The following ATP11C variants were observed in gnomAD, a reference collection of about 807,000 sequenced individuals.
The protein encoded by ATP11C is phospholipid-transporting ATPase IG.
A neutral mutation model predicts 97.4 loss-of-function variants in ATP11C; 36 were observed. The ratio of observed to expected loss-of-function variants is 0.37; its 90% CI spans 0.28 to 0.49. The LOEUF is 0.49. Among genes scored for constraint, ATP11C ranks in the 20% least tolerant of loss-of-function variants. The probability of loss-of-function intolerance (pLI) is 0.98; values close to 1 mark genes in which losing one functional copy is unlikely to be tolerated. For synonymous variants in ATP11C, 275 were observed against 290.9 expected (o/e 0.95, Z 0.56); for missense variants, 730 against 824.6 (o/e 0.89, Z 1.40).
intron 1 of ATP11C, among the ~76,000 whole-genome samples, chrX:139,919,444 A>C (rs867096276): frequency 6.8e-5 from 5 of 73,946 alleles, no homozygotes; most frequent in South Asian, 8.7e-4. Flanking sequence ...CTCAAACTTA[A>C]ACACACACAC....
At position 139,787,189 on chromosome X, in the gene ATP11C, T is replaced by G. The variant is rs2148727658; in HGVS notation, c.1576A>C (p.Arg526=). ...GCTACTTACTCTTCTATTTCTTTTC[T>G]TTGGTTCTCTACTCTCATATATCCA... ...RNGYMRVENQ[R]KEIEEYELLH... Residue 526 remains arginine (R), a synonymous_variant, in exon 15 of 30, where the codon AGA becomes CGA. Coordinates refer to ENST00000682941, the MANE Select transcript of ATP11C (RefSeq NM_001353812.2). 2 of 1,197,432 alleles carry G rather than the reference T, an allele frequency of 1.7e-6. No individual in the cohort carries two copies. Among genetic ancestry groups the G allele is most frequent in the South Asian group, 3.5e-5 (2 of 56,479 alleles).
In ATP11C at chrX:139,922,178, C is replaced by T. The variant is rs181432133; in HGVS notation, c.27+9838G>A. Among the ~76,000 whole-genome samples the T allele has an allele frequency of 9.1e-3, 883 of 96,585 alleles. 12 individuals are homozygous for T. The highest frequency in any genetic ancestry group is 0.017 in the Middle Eastern group (3 of 174). 83.9% of individuals were successfully genotyped at this position (96,585 alleles called of 115,157 possible). On this transcript the variant is annotated intron_variant, in intron 1 of 29. Transcript: ENST00000682941. ...CGAGATTGTGCCACTGCACTCCAGC[C>T]TGGGCAACAGAGCAAGACTGTCTCT...
At chrX:139,919,444 AACACACACAC>A (rs370999462) in intron 1 of ATP11C, among the ~76,000 whole-genome samples, 1,099 of 73,933 alleles carry the variant, frequency 0.015, 21 homozygotes, top group African/African-American at 0.048. Context: ...CTCAAACTTA[AACACACACAC>A]ACACACACAC....
At chrX:139,862,565 T>G (rs1274899008) in intron 1 of ATP11C, among the ~76,000 whole-genome samples, 3 of 112,129 alleles carry the variant, frequency 2.7e-5, no homozygotes, top group African/African-American at 9.7e-5. Context: ...CTGTGTTGAT[T>G]GTTGTTGTGT....
intron 1 of ATP11C, among the ~76,000 whole-genome samples, chrX:139,828,679 G>A (rs1323229450): frequency 1.8e-5 from 2 of 112,046 alleles, no homozygotes; most frequent in African/African-American, 6.5e-5. Context: ...AGTAAATGAG[G>A]CAGGGTTACC....
At chrX:139,886,446 G>C (rs1263998107) in intron 1 of ATP11C, among the ~76,000 whole-genome samples, 1 of 109,847 alleles carries the variant, frequency 9.1e-6, no homozygotes, top group Non-Finnish European at 1.9e-5. Context: ...AAAATTCGCT[G>C]GGCGTGGTGG....
intron 24 of ATP11C, 152 bp from the exon 25 acceptor site, chrX:139,746,009 G>A: frequency 1.9e-6 from 1 of 516,704 alleles, no homozygotes; most frequent in South Asian, 5.5e-5. Flanking sequence ...GTCAGACTGA[G>A]CCAAAGGCTG....
intron 5 of ATP11C, among the ~76,000 whole-genome samples, chrX:139,810,471 T>C (rs1326041550): frequency 1.8e-5 from 2 of 111,304 alleles, no homozygotes; most frequent in Non-Finnish European, 3.8e-5. Flanking sequence ...AAAATAATAA[T>C]AACCAGAAAA....
Position 139,819,434 on chromosome X carries a change from G to C in ATP11C, c.148-7C>G. On this transcript the variant is annotated splice_region_variant and splice_polypyrimidine_tract_variant and intron_variant, in intron 2 of 29. Transcript: ENST00000682941. ...GAAAATTCCAAAGTGTATACTGTAA[G>C]GGAGGAAGAAAAAAGAACACTGTTA... The C allele has an allele frequency of 3.1e-6, 3 of 979,812 alleles. No homozygotes were observed. Among genetic ancestry groups the C allele is most frequent in the Non-Finnish European group, 4.1e-6 (3 of 723,858 alleles). 80.7% of individuals were successfully genotyped at this position (979,812 alleles called of 1,213,427 possible).
rs774133039 is a variant in ATP11C, at chrX:139,917,955, C to CAAA, written c.27+14058_27+14060dup. Among the ~76,000 whole-genome samples the CAAA allele has an allele frequency of 5.7e-4, 22 of 38,414 alleles. 1 individual carries two copies. The highest frequency in any genetic ancestry group is 2.5e-3 in the South Asian group (1 of 395). The allele number at this position is 38,414 out of a possible 115,157, so 33.4% of individuals were successfully genotyped here. A position where few individuals can be genotyped will look rare whatever the true frequency, so the allele number is the denominator to read the frequency against. On this transcript the variant is annotated intron_variant, in intron 1 of 29. Coordinates refer to ENST00000682941, the MANE Select transcript of ATP11C (RefSeq NM_001353812.2). ...TGGGCAGCAGAGCCAGGCTTTGTCT[C>CAAA]AAAAAAAAAAAAAAAAAAAAAAAAA...
intron 16 of ATP11C, among the ~76,000 whole-genome samples, chrX:139,783,911 A>G (rs1186829173): frequency 1.8e-5 from 2 of 111,480 alleles, no homozygotes; most frequent in Non-Finnish European, 1.9e-5. Flanking sequence ...GAGCACACAT[A>G]TGGCATCTAC....
At chrX:139,824,433 G>A (rs867926500) in intron 2 of ATP11C, among the ~76,000 whole-genome samples, 1 of 111,716 alleles carries the variant, frequency 9.0e-6, no homozygotes, top group Non-Finnish European at 1.9e-5. Context: ...CGGGTGCAGT[G>A]GTTCACGCCT....
intron 1 of ATP11C, among the ~76,000 whole-genome samples, chrX:139,852,326 TG>T (rs778484137): frequency 3.5e-4 from 37 of 105,951 alleles, no homozygotes; most frequent in Non-Finnish European, 6.8e-4. Context: ...GGGGCCCATC[TG>T]GGATTACATT....
At chrX:139,798,143 T>C (rs1409024772) in intron 10 of ATP11C, 130 bp downstream of exon 10, 1 of 555,720 alleles carries the variant, frequency 1.8e-6, no homozygotes, top group Admixed American at 3.8e-5. Flanking sequence ...TTCTGGTACA[T>C]AAACAAGTGC....
At chrX:139,813,181 T>C (rs971742961) in intron 5 of ATP11C, among the ~76,000 whole-genome samples, 1 of 111,805 alleles carries the variant, frequency 8.9e-6, no homozygotes, top group Non-Finnish European at 1.9e-5. Context: ...AGAAAGTCCA[T>C]ATCATATGTT....
At chrX:139,901,726 C>T (rs1195204575) in intron 1 of ATP11C, among the ~76,000 whole-genome samples, 2 of 111,718 alleles carry the variant, frequency 1.8e-5, no homozygotes, top group African/African-American at 3.3e-5. Flanking sequence ...ACTGTACAGC[C>T]CACAAAGTCC....
chrX:139,917,682 C>T (rs1434087323), intron 1 of ATP11C, among the ~76,000 whole-genome samples: 1 of 111,536 alleles, frequency 9.0e-6, no homozygotes, highest in Non-Finnish European at 1.9e-5. Flanking sequence ...ATAGGTCAGG[C>T]GTGGTGGTTC....
Position 139,777,524 on chromosome X carries a change from G to C in ATP11C, c.1953-2571C>G, listed in dbSNP as rs1354392155. On this transcript the variant is annotated intron_variant, in intron 18 of 29. Coordinates refer to ENST00000682941, the MANE Select transcript of ATP11C (RefSeq NM_001353812.2). ...AAGTCTTTGAGAAATATGGGATTAT[G>C]TAAAGCAACAAAATCTGTAACTTCT... is the stretch of plus-strand genomic sequence containing the variant. 2.7e-5 allele frequency among the ~76,000 whole-genome samples: 3 copies of C among 110,774 alleles called. No individual in the cohort carries two copies. The Admixed American group carries it at 2.9e-4, about 11-fold the overall frequency.
chrX:139,847,096 A>C (rs2083919983), intron 1 of ATP11C, among the ~76,000 whole-genome samples: 1 of 110,956 alleles, frequency 9.0e-6, no homozygotes, highest in Non-Finnish European at 1.9e-5. Flanking sequence ...CATTAAACTA[A>C]GTCCTGGGCC....
Sources: gnomAD v4.1 joint callset for allele counts (sites outside exome capture counted in the v4.1 genomes callset) on GRCh38, gnomAD v4.1.1 for gene constraint, MANE v1.5 for transcripts, NCBI Gene and HGNC (gene_info 2026-07-23, HGNC 2026-07-21) for gene names.